Variants in S100A3 observed in about 807,000 individuals in gnomAD.
S100A3 encodes the protein S100 calcium binding protein A3.
S100A3 carries 11 observed loss-of-function variants against 8.0 expected under a neutral mutation model. The observed-to-expected ratio is 1.37, with a 90% CI of 0.86 to 2.27. The LOEUF is 2.27. Ranked by LOEUF, S100A3 falls within the 30% of genes most tolerant of loss-of-function variation. S100A3 has a pLI of 0.00. For missense variants in S100A3, 124 were observed against 127.1 expected, an observed-to-expected ratio of 0.98 and a Z score of 0.12; for synonymous variants, 43 against 49.6, an observed-to-expected ratio of 0.87 and a Z score of 0.56.
Position 153,547,698 on chromosome 1 carries a change from G to T in S100A3, c.290C>A (p.Pro97His), listed in dbSNP as rs774302169. The T allele has an allele frequency of 1.2e-6, 2 of 1,613,868 alleles. No homozygotes were observed. The highest frequency in any genetic ancestry group is 1.1e-5 in the South Asian group (1 of 91,060). The change falls in exon 3 of 3, where the codon CCC (proline) becomes CAC (histidine). Residue 97 changes from proline (P) to histidine (H), a missense_variant. Physicochemically the swap from Pro to His is moderately conservative, Grantham distance 77. Transcript: ENST00000368713. This position sits in a 1 kb window ranked among gnomAD's most constrained non-coding sequence, Gnocchi z 4.0. ...GAGCAGAGGCTACTGGGAGCAGGGG[G>T]GCTCTGAGGGGCAGTCCTTGAAGTA... ...HEYFKDCPSE[P>H]PCSQ is the part of the protein sequence containing the mutation.
Position 153,547,983 on chromosome 1 carries a change from A to C in S100A3, c.142-137T>G. 1 of 860,268 alleles carries C rather than the reference A, an allele frequency of 1.2e-6. No homozygotes were observed. Among genetic ancestry groups the C allele is most frequent in the Admixed American group, 2.4e-5 (1 of 41,292 alleles). The allele number at this position is 860,268 out of a possible 1,614,324, so 53.3% of individuals were successfully genotyped here. A position where few individuals can be genotyped will look rare whatever the true frequency, so the allele number is the denominator to read the frequency against. ...TACACCCTTCTGAGGGCCGACTTCA[A>C]CCTCCCTGCTCTGATAATGCACTCG... is the stretch of plus-strand genomic sequence containing the variant. On this transcript the variant is annotated intron_variant, in intron 2 of 2. Coordinates refer to ENST00000368713, the MANE Select transcript of S100A3 (RefSeq NM_002960.2). The surrounding 1 kb of genome is among the most constrained non-coding windows in gnomAD (Gnocchi z 4.0).
rs762597174 is a variant in S100A3, at chr1:153,547,713, T to A, written c.275A>T (p.Asp92Val). The change falls in exon 3 of 3, where the codon GAC becomes GTC. Residue 92 changes from aspartate to valine, a missense_variant. Coordinates refer to ENST00000368713, the MANE Select transcript of S100A3 (RefSeq NM_002960.2). The surrounding 1 kb of genome is among the most constrained non-coding windows in gnomAD (Gnocchi z 4.0). ...GGAGCAGGGGGGCTCTGAGGGGCAG[T>A]CCTTGAAGTACTCGTGGCAGTAGAG... ...LCLYCHEYFKDCPSEPPCSQ is the reference protein window; with the variant it reads ...LCLYCHEYFKVCPSEPPCSQ The A allele has an allele frequency of 6.2e-7, 1 of 1,613,998 alleles. No individual in the cohort carries two copies.
At position 153,547,765 on chromosome 1, in the gene S100A3, A is replaced by G; in HGVS notation, c.223T>C (p.Tyr75His). ...NKDCEVDFVE[Y>H]VRSLACLCLY... ...CAGAGGCAGGCAAGTGAGCGCACAT[A>G]CTCCACAAAGTCCACCTCGCAGTCC... Residue 75 changes from tyrosine (Y) to histidine (H), a missense_variant, in exon 3 of 3, where the codon TAT becomes CAT. By Grantham distance (83) the Tyr-to-His change is moderately conservative. Coordinates refer to ENST00000368713, the MANE Select transcript of S100A3 (RefSeq NM_002960.2). This position sits in a 1 kb window ranked among gnomAD's most constrained non-coding sequence, Gnocchi z 4.0. 6.2e-7 allele frequency: 1 copy of G among 1,613,944 alleles called. No individual in the cohort carries two copies.
chr1:153,547,445 A>C lies in S100A3; in HGVS notation c.*237T>G. Reference sequence around the variant, plus strand: ...GCAGATCCCGCCTCCTCCCATCCACAAGGGAGGCCACAGGGGTGCGGCAGG... The same window carrying C: ...GCAGATCCCGCCTCCTCCCATCCACCAGGGAGGCCACAGGGGTGCGGCAGG... On this transcript the variant is annotated 3_prime_UTR_variant, in exon 3 of 3. Transcript: ENST00000368713. The surrounding 1 kb of genome is among the most constrained non-coding windows in gnomAD (Gnocchi z 4.0). 1 of 513,126 alleles carries C rather than the reference A, an allele frequency of 1.9e-6. No homozygotes were observed. The highest frequency in any genetic ancestry group is 3.1e-5 in the South Asian group (1 of 32,614). The allele number at this position is 513,126 out of a possible 1,614,324, so 31.8% of individuals were successfully genotyped here.
At chr1:153,548,308 C>G (rs28718953) in intron 2 of S100A3, 37 bp downstream of exon 2, 1 of 1,610,168 alleles carries the variant, frequency 6.2e-7, no homozygotes, top group Admixed American at 1.7e-5. Context: ...AGTGCCTCCC[C>G]CCGGAGGAGG....
Position 153,547,523 on chromosome 1 carries a change from A to T in S100A3, c.*159T>A. 1 of 802,140 alleles carries T rather than the reference A, an allele frequency of 1.2e-6. No homozygotes were observed. Among genetic ancestry groups the T allele is most frequent in the Non-Finnish European group, 1.9e-6 (1 of 526,260 alleles). The allele number at this position is 802,140 out of a possible 1,614,324, so 49.7% of individuals were successfully genotyped here. A position where few individuals can be genotyped will look rare whatever the true frequency, so the allele number is the denominator to read the frequency against. On this transcript the variant is annotated 3_prime_UTR_variant, in exon 3 of 3. Transcript: ENST00000368713. This position sits in a 1 kb window ranked among gnomAD's most constrained non-coding sequence, Gnocchi z 4.0. ...CCTCATTCGCTGGGCATCCTGAGGAAGGAGCCCTCACATCTCTGGGCCTCC... is the reference window on the plus strand; with the variant it reads ...CCTCATTCGCTGGGCATCCTGAGGATGGAGCCCTCACATCTCTGGGCCTCC...
intron 2 of S100A3, 115 bp downstream of exon 2, chr1:153,548,230 C>T (rs973826781): frequency 8.7e-6 from 12 of 1,380,858 alleles, no homozygotes; most frequent in Non-Finnish European, 1.1e-5. Context: ...CCTCACAATC[C>T]AGCCCCCTCC....
chr1:153,547,957 CT>C lies in S100A3; in HGVS notation c.142-112del. ...CCAAGTGGACCCACCCCACCCCAAA[CT>C]ACACCCTTCTGAGGGCCGACTTCAA... is the stretch of plus-strand genomic sequence containing the variant. On this transcript the variant is annotated intron_variant, in intron 2 of 2. Transcript: ENST00000368713. The surrounding 1 kb of genome is among the most constrained non-coding windows in gnomAD (Gnocchi z 4.0). The C allele has an allele frequency of 8.5e-7, 1 of 1,173,360 alleles. No homozygotes were observed. Among genetic ancestry groups the C allele is most frequent in the Non-Finnish European group, 1.2e-6 (1 of 816,688 alleles). The allele number at this position is 1,173,360 out of a possible 1,614,324, so 72.7% of individuals were successfully genotyped here. A position where few individuals can be genotyped will look rare whatever the true frequency, so the allele number is the denominator to read the frequency against.
chr1:153,547,629 G>A lies in S100A3; in HGVS notation c.*53C>T. On this transcript the variant is annotated 3_prime_UTR_variant, in exon 3 of 3. Coordinates refer to ENST00000368713, the MANE Select transcript of S100A3 (RefSeq NM_002960.2). The surrounding 1 kb of genome is among the most constrained non-coding windows in gnomAD (Gnocchi z 4.0). ...GGTACAGGAGAGAGGGTAGGAGGGG[G>A]TGTGGGAGACATGCCCAGCCCCCGA... 6.3e-7 allele frequency: 1 copy of A among 1,587,016 alleles called. No individual in the cohort carries two copies. The highest frequency in any genetic ancestry group is 8.6e-7 in the Non-Finnish European group (1 of 1,160,700).
rs1445600050 is a variant in S100A3, at chr1:153,547,908, C to T, written c.142-62G>A. 3.8e-5 allele frequency: 58 copies of T among 1,525,300 alleles called. No homozygotes were observed. The highest frequency in any genetic ancestry group is 3.5e-4 in the Middle Eastern group (2 of 5,656). The allele number at this position is 1,525,300 out of a possible 1,614,324, so 94.5% of individuals were successfully genotyped here. A position where few individuals can be genotyped will look rare whatever the true frequency, so the allele number is the denominator to read the frequency against. ...GGATGAGGAGGGCAGAACAGCCTCA[C>T]ACGCCACCTCCCTCCTTCCTCTCCC... is the stretch of plus-strand genomic sequence containing the variant. On this transcript the variant is annotated intron_variant, in intron 2 of 2. Coordinates refer to ENST00000368713, the MANE Select transcript of S100A3 (RefSeq NM_002960.2). This position sits in a 1 kb window ranked among gnomAD's most constrained non-coding sequence, Gnocchi z 4.0.
rs774401937 is a variant in S100A3 at position 153,547,464 on chromosome 1, C to T, written c.*218G>A. On this transcript the variant is annotated 3_prime_UTR_variant, in exon 3 of 3. Coordinates refer to ENST00000368713, the MANE Select transcript of S100A3 (RefSeq NM_002960.2). The surrounding 1 kb of genome is among the most constrained non-coding windows in gnomAD (Gnocchi z 4.0). Reference sequence around the variant, plus strand: ...ATCCACAAGGGAGGCCACAGGGGTGCGGCAGGCAGGCTGGGCCCCAGAGTG... The same window carrying T: ...ATCCACAAGGGAGGCCACAGGGGTGTGGCAGGCAGGCTGGGCCCCAGAGTG... The T allele has an allele frequency of 7.4e-5, 41 of 551,956 alleles. No individual in the cohort carries two copies. The highest frequency in any genetic ancestry group is 9.8e-5 in the Non-Finnish European group (31 of 315,084). 34.2% of individuals were successfully genotyped at this position (551,956 alleles called of 1,614,324 possible).
rs76857436 is a variant in S100A3, at chr1:153,547,932, C to T, written c.142-86G>A. 4.8e-3 allele frequency: 6,822 copies of T among 1,411,640 alleles called. 242 individuals are homozygous for T. The African/African-American group carries it at 0.083, about 17-fold the overall frequency. 87.4% of individuals were successfully genotyped at this position (1,411,640 alleles called of 1,614,324 possible). On this transcript the variant is annotated intron_variant, in intron 2 of 2. Coordinates refer to ENST00000368713, the MANE Select transcript of S100A3 (RefSeq NM_002960.2). This position sits in a 1 kb window ranked among gnomAD's most constrained non-coding sequence, Gnocchi z 4.0. ...ACACGCCACCTCCCTCCTTCCTCTC[C>T]CAAGTGGACCCACCCCACCCCAAAC... is the stretch of plus-strand genomic sequence containing the variant.
In S100A3 at chr1:153,547,924, T is replaced by C. The variant is rs56089062; in HGVS notation, c.142-78A>G. On this transcript the variant is annotated intron_variant, in intron 2 of 2. Coordinates refer to ENST00000368713, the MANE Select transcript of S100A3 (RefSeq NM_002960.2). The surrounding 1 kb of genome is among the most constrained non-coding windows in gnomAD (Gnocchi z 4.0). ...ACAGCCTCACACGCCACCTCCCTCC[T>C]TCCTCTCCCAAGTGGACCCACCCCA... The C allele has an allele frequency of 0.068, 99,921 of 1,478,324 alleles. 7,486 individuals carry two copies. Among genetic ancestry groups the C allele is most frequent in the African/African-American group, 0.38 (27,421 of 71,440 alleles). 91.6% of individuals were successfully genotyped at this position (1,478,324 alleles called of 1,614,324 possible).
rs1557894081 is a variant in S100A3, at chr1:153,547,864, T to G, written c.142-18A>C. The G allele has an allele frequency of 6.2e-7, 1 of 1,610,550 alleles. No homozygotes were observed. Among genetic ancestry groups the G allele is most frequent in the African/African-American group, 1.3e-5 (1 of 74,830 alleles). ...AACTCAGTCTGTGCAAGGGAAGGGT[T>G]GGGAGAGGTAAGGGAGTAGGATGAG... is the stretch of plus-strand genomic sequence containing the variant. On this transcript the variant is annotated intron_variant, in intron 2 of 2. Transcript: ENST00000368713. The surrounding 1 kb of genome is among the most constrained non-coding windows in gnomAD (Gnocchi z 4.0).
At position 153,548,344 on chromosome 1, in the gene S100A3, C is replaced by G. The variant is rs1469189541; in HGVS notation, c.141+1G>C. Reference sequence around the variant, plus strand: ...AGGGGACGGACACTCTGACTGCTCACCGGGGTCCAGGTGGCCAGCTCCTTC... The same window carrying G: ...AGGGGACGGACACTCTGACTGCTCAGCGGGGTCCAGGTGGCCAGCTCCTTC... On this transcript the variant is annotated splice_donor_variant, in intron 2 of 2. Transcript: ENST00000368713. LOFTEE classifies it high-confidence loss of function. 1 of 1,613,582 alleles carries G rather than the reference C, an allele frequency of 6.2e-7. No homozygotes were observed. The highest frequency in any genetic ancestry group is 1.3e-5 in the African/African-American group (1 of 74,886).
At chr1:153,548,137 G>A (rs1176138150) in intron 2 of S100A3, among the ~76,000 whole-genome samples, 1 of 152,156 alleles carries the variant, frequency 6.6e-6, no homozygotes, top group Non-Finnish European at 1.5e-5. Flanking sequence ...AGCTCTGCAA[G>A]GCAGCAGGGA....
chr1:153,548,507 G>T lies in S100A3; in HGVS notation c.-5-17C>A, dbSNP rs201754976. The T allele has an allele frequency of 1.9e-6, 3 of 1,562,172 alleles. No homozygotes were observed. Among genetic ancestry groups the T allele is most frequent in the East Asian group, 2.3e-5 (1 of 44,244 alleles). ...CCATCCTCACTGTCACAGAACAAGG[G>T]TGTGGCTCACAGCAGAGTTCCAGGC... is the stretch of plus-strand genomic sequence containing the variant. On this transcript the variant is annotated splice_polypyrimidine_tract_variant and intron_variant, in intron 1 of 2. Coordinates refer to ENST00000368713, the MANE Select transcript of S100A3 (RefSeq NM_002960.2).
rs1173970046 is a variant in S100A3 at position 153,548,447 on chromosome 1, C to A, written c.39G>T (p.Val13=). The A allele has an allele frequency of 1.2e-6, 2 of 1,609,810 alleles. No homozygotes were observed. Among genetic ancestry groups the A allele is most frequent in the Admixed American group, 1.7e-5 (1 of 59,812 alleles). ...RPLEQAVAAI[V]CTFQEYAGRC... Reference sequence around the variant, plus strand: ...GCCCTGCGTATTCCTGGAAGGTGCACACGATGGCAGCTACCGCCTGCTCCA... The same window carrying A: ...GCCCTGCGTATTCCTGGAAGGTGCAAACGATGGCAGCTACCGCCTGCTCCA... The change falls in exon 2 of 3, where the codon GTG becomes GTT. Residue 13 remains valine, a synonymous_variant. Transcript: ENST00000368713.
Position 153,547,866 on chromosome 1 carries a change from G to A in S100A3, c.142-20C>T. 6.2e-7 allele frequency: 1 copy of A among 1,609,378 alleles called. No homozygotes were observed. The highest frequency in any genetic ancestry group is 8.5e-7 in the Non-Finnish European group (1 of 1,176,862). On this transcript the variant is annotated intron_variant, in intron 2 of 2. Coordinates refer to ENST00000368713, the MANE Select transcript of S100A3 (RefSeq NM_002960.2). This position sits in a 1 kb window ranked among gnomAD's most constrained non-coding sequence, Gnocchi z 4.0. ...CTCAGTCTGTGCAAGGGAAGGGTTGGGAGAGGTAAGGGAGTAGGATGAGGA... is the reference window on the plus strand; with the variant it reads ...CTCAGTCTGTGCAAGGGAAGGGTTGAGAGAGGTAAGGGAGTAGGATGAGGA...
Sources: gnomAD v4.1 joint callset for allele counts (sites outside exome capture counted in the v4.1 genomes callset) on GRCh38, gnomAD v4.1.1 for gene constraint, Gnocchi (gnomAD v3.1) non-coding constraint, MANE v1.5 for transcripts, NCBI Gene and HGNC (gene_info 2026-07-23, HGNC 2026-07-21) for gene names.